IFI16: variants seen among roughly 807,000 people sequenced by gnomAD.
IFI16 encodes interferon gamma inducible protein 16.
Under a neutral mutation model 68.4 loss-of-function variants are expected in IFI16, and 49 were observed. That is an observed-to-expected ratio of 0.72 (90% CI 0.57 to 0.91). The LOEUF (loss-of-function observed/expected upper bound fraction) is 0.91, where lower values mean the gene tolerates loss of function less well. Among genes scored for constraint, IFI16 ranks in the 40% least tolerant of loss-of-function variants. The pLI is 0.00. For synonymous variants in IFI16, 307 were observed against 315.0 expected (o/e 0.97, Z 0.27); for missense variants, 878 against 942.9 (o/e 0.93, Z 0.90).
At chr1:159,016,785 C>A in intron 4 of IFI16, 85 bp downstream of exon 4, 1 of 1,210,464 alleles carries the variant, frequency 8.3e-7, no homozygotes, top group Non-Finnish European at 1.2e-6. Flanking sequence ...AAAATTGCAT[C>A]GATAATTTGC....
chr1:159,051,738 T>C lies in IFI16; in HGVS notation c.1725T>C (p.Ser575=). The change falls in exon 10 of 12, where the codon AGT becomes AGC. Residue 575 remains serine (S), a synonymous_variant. Coordinates refer to ENST00000295809, the MANE Select transcript of IFI16 (RefSeq NM_001376587.1). Reference sequence around the variant, plus strand: ...TTTCCATAGAAGACAGTGCCCAGAGTGACCTCAAAGAAGTGATGGTGCTGA... The same window carrying C: ...TTTCCATAGAAGACAGTGCCCAGAGCGACCTCAAAGAAGTGATGGTGCTGA... ...EEVSIEDSAQ[S]DLKEVMVLNA... The C allele has an allele frequency of 2.5e-6, 4 of 1,613,908 alleles. No individual in the cohort carries two copies. The highest frequency in any genetic ancestry group is 3.4e-6 in the Non-Finnish European group (4 of 1,179,886).
chr1:159,021,030 A>G (rs954226745), intron 6 of IFI16, among the ~76,000 whole-genome samples: 6 of 152,198 alleles, frequency 3.9e-5, no homozygotes, highest in Non-Finnish European at 7.4e-5. Flanking sequence ...TTTGAATTCA[A>G]ATATTCACGT....
intron 7 of IFI16, among the ~76,000 whole-genome samples, chr1:159,039,437 G>A (rs56150614): frequency 0.02 from 3,028 of 152,198 alleles, 109 homozygotes; most frequent in African/African-American, 0.068. Flanking sequence ...TGTGCCTCCC[G>A]GGTTCAGGTG....
intron 6 of IFI16, among the ~76,000 whole-genome samples, chr1:159,030,039 A>G (rs1393952782): frequency 6.6e-6 from 1 of 151,946 alleles, no homozygotes; most frequent in Non-Finnish European, 1.5e-5. Context: ...TTAATTCACA[A>G]GCCTTGTCTT....
intron 7 of IFI16, among the ~76,000 whole-genome samples, chr1:159,035,332 C>G (rs1300683956): frequency 6.6e-6 from 1 of 152,170 alleles, no homozygotes; most frequent in Non-Finnish European, 1.5e-5. Flanking sequence ...AACCTAAGAT[C>G]CATTTTCTTT....
At chr1:159,026,263 G>T (rs1328420818) in intron 6 of IFI16, among the ~76,000 whole-genome samples, 1 of 149,894 alleles carries the variant, frequency 6.7e-6, no homozygotes, top group Non-Finnish European at 1.5e-5. Context: ...TTTGTAGATT[G>T]CTTTTGGCAG....
At chr1:159,035,707 G>A (rs990474791) in intron 7 of IFI16, among the ~76,000 whole-genome samples, 5 of 151,876 alleles carry the variant, frequency 3.3e-5, no homozygotes, top group African/African-American at 4.8e-5. Context: ...TATGGTATAC[G>A]CTCTATATTC....
intron 9 of IFI16, 131 bp from the exon 10 acceptor site, chr1:159,051,548 T>G: frequency 1.5e-6 from 1 of 663,680 alleles, no homozygotes; most frequent in Non-Finnish European, 2.6e-6. Context: ...GATCTTTGTC[T>G]AGTTTTCCCT....
chr1:159,044,891 T>C (rs1333034415), intron 7 of IFI16, among the ~76,000 whole-genome samples: 1 of 151,896 alleles, frequency 6.6e-6, no homozygotes, highest in Non-Finnish European at 1.5e-5. Flanking sequence ...TGAAGAGCAC[T>C]TGAGAGAGAC....
At chr1:159,041,644 AAC>A (rs747671336) in intron 7 of IFI16, among the ~76,000 whole-genome samples, 2 of 152,176 alleles carry the variant, frequency 1.3e-5, no homozygotes, top group Non-Finnish European at 2.9e-5. Flanking sequence ...ATCAGCATAC[AAC>A]ACAGATAGAT....
upstream of IFI16, among the ~76,000 whole-genome samples, chr1:159,004,361 T>C (rs1420604351): frequency 6.6e-6 from 1 of 152,006 alleles, no homozygotes; most frequent in African/African-American, 2.4e-5. Flanking sequence ...TTTGCCCTTA[T>C]TGCTAAGTAA....
intron 6 of IFI16, among the ~76,000 whole-genome samples, chr1:159,024,020 C>T (rs1653497814): frequency 6.6e-6 from 1 of 152,210 alleles, no homozygotes; most frequent in Non-Finnish European, 1.5e-5. Flanking sequence ...ATGTCCATTT[C>T]TGGTCAATGA....
upstream of IFI16, among the ~76,000 whole-genome samples, chr1:159,006,360 C>T (rs1456738473): frequency 6.6e-6 from 1 of 152,152 alleles, no homozygotes; most frequent in Non-Finnish European, 1.5e-5. Context: ...AGAAGAGCAA[C>T]GGTACCAGGT....
intron 1 of IFI16, among the ~76,000 whole-genome samples, chr1:159,012,149 C>T (rs968345360): frequency 6.6e-6 from 1 of 151,900 alleles, no homozygotes; most frequent in Non-Finnish European, 1.5e-5. Context: ...TAGATGTTTT[C>T]TTGTGGTATG....
intron 6 of IFI16, among the ~76,000 whole-genome samples, chr1:159,021,391 T>C (rs994458692): frequency 6.6e-6 from 1 of 152,188 alleles, no homozygotes; most frequent in Admixed American, 6.5e-5. Context: ...AGAATAATGG[T>C]CTCCAATTCC....
intron 7 of IFI16, among the ~76,000 whole-genome samples, chr1:159,036,814 G>A (rs775153418): frequency 6.6e-6 from 1 of 152,174 alleles, no homozygotes; most frequent in Non-Finnish European, 1.5e-5. Context: ...CCAAGTTAGT[G>A]TCTCATCTAG....
At chr1:159,017,156 A>G (rs943632400) in intron 4 of IFI16, among the ~76,000 whole-genome samples, 3 of 152,238 alleles carry the variant, frequency 2.0e-5, no homozygotes, top group African/African-American at 7.2e-5. Context: ...GATGTTAAAG[A>G]GTAAAGATGT....
intron 7 of IFI16, 129 bp downstream of exon 7, chr1:159,032,820 A>G (rs1251193495): frequency 3.9e-6 from 3 of 766,032 alleles, no homozygotes; most frequent in Admixed American, 2.9e-5. Flanking sequence ...AAATTATGTC[A>G]CTCAATCATT....
chr1:159,033,554 T>C (rs1444542054), intron 7 of IFI16, among the ~76,000 whole-genome samples: 1 of 152,224 alleles, frequency 6.6e-6, no homozygotes, highest in Non-Finnish European at 1.5e-5. Context: ...ATCAGGAGGA[T>C]GCTAATTCTG....
Sources: gnomAD v4.1 joint callset for allele counts (sites outside exome capture counted in the v4.1 genomes callset) on GRCh38, gnomAD v4.1.1 for gene constraint, MANE v1.5 for transcripts, NCBI Gene and HGNC (gene_info 2026-07-23, HGNC 2026-07-21) for gene names.